Variants in NLN observed in about 807,000 individuals in gnomAD.
NLN encodes the protein neurolysin, mitochondrial.
Under a neutral mutation model 79.9 loss-of-function variants are expected in NLN, and 64 were observed. The observed-to-expected ratio is 0.80, with a 90% CI of 0.65 to 0.99. NLN has a LOEUF of 0.99. NLN is among the 50% of genes least tolerant of loss of function. The pLI is 0.00. For missense variants in NLN, 835 were observed against 858.7 expected (o/e 0.97, Z 0.34); for synonymous variants, 267 against 296.6 (o/e 0.90, Z 1.02).
chr5:65,734,779 A>G (rs1201033541), intron 1 of NLN, among the ~76,000 whole-genome samples: 2 of 152,202 alleles, frequency 1.3e-5, no homozygotes, highest in African/African-American at 4.8e-5. Context: ...GCTACAATGT[A>G]TAAGGTCCAT....
intron 1 of NLN, among the ~76,000 whole-genome samples, chr5:65,754,445 G>T (rs181135695): frequency 4.6e-5 from 7 of 152,246 alleles, no homozygotes; most frequent in African/African-American, 1.7e-4. Flanking sequence ...GTGTATGAGT[G>T]TTGAGAGGAA....
intron 12 of NLN, among the ~76,000 whole-genome samples, chr5:65,817,586 A>G (rs1004295082): frequency 6.6e-6 from 1 of 152,210 alleles, no homozygotes; most frequent in African/African-American, 2.4e-5. Flanking sequence ...TTAAGCTACT[A>G]TTATCTTCCT....
chr5:65,780,359 A>G, intron 5 of NLN, 78 bp downstream of exon 5: 1 of 592,152 alleles, frequency 1.7e-6, no homozygotes, highest in Admixed American at 3.4e-5. Context: ...TTTACTTTCC[A>G]GATACAAAAT....
intron 1 of NLN, among the ~76,000 whole-genome samples, chr5:65,744,805 G>T (rs1271207847): frequency 6.6e-6 from 1 of 152,176 alleles, no homozygotes; most frequent in Non-Finnish European, 1.5e-5. Flanking sequence ...AACCTGGGAG[G>T]TGGAGGTTAC....
At chr5:65,821,572 T>C (rs911951474) in intron 12 of NLN, among the ~76,000 whole-genome samples, 1 of 152,172 alleles carries the variant, frequency 6.6e-6, no homozygotes, top group African/African-American at 2.4e-5. Context: ...TTTAAAAAAA[T>C]GTGGTTAGTA....
intron 1 of NLN, among the ~76,000 whole-genome samples, chr5:65,758,290 G>C (rs939725898): frequency 6.6e-6 from 1 of 152,016 alleles, no homozygotes; most frequent in African/African-American, 2.4e-5. Context: ...AATTATTATA[G>C]CTCCAACACC....
intron 9 of NLN, among the ~76,000 whole-genome samples, chr5:65,807,466 A>T (rs1330867742): frequency 6.6e-6 from 1 of 150,824 alleles, no homozygotes; most frequent in Non-Finnish European, 1.5e-5. Flanking sequence ...TTTGAGACAG[A>T]GTCTCACTCT....
chr5:65,746,662 A>AATGTAAAT (rs1758986491), intron 1 of NLN, among the ~76,000 whole-genome samples: 1 of 152,186 alleles, frequency 6.6e-6, no homozygotes, highest in African/African-American at 2.4e-5. Context: ...GAGAAATGTA[A>AATGTAAAT]ATACTCCAGC....
intron 12 of NLN, among the ~76,000 whole-genome samples, chr5:65,812,826 C>G (rs1760582628): frequency 6.6e-6 from 1 of 152,194 alleles, no homozygotes; most frequent in Admixed American, 6.5e-5. Flanking sequence ...CGCCCTTTTT[C>G]TGTGGCTGGC....
At chr5:65,742,598 T>C (rs888069401) in intron 1 of NLN, among the ~76,000 whole-genome samples, 2 of 152,224 alleles carry the variant, frequency 1.3e-5, no homozygotes, top group African/African-American at 2.4e-5. Context: ...TGGTTGTTTA[T>C]AGGATGTTTA....
chr5:65,819,938 A>G (rs769630604), intron 12 of NLN, among the ~76,000 whole-genome samples: 33 of 152,160 alleles, frequency 2.2e-4, no homozygotes, highest in Non-Finnish European at 4.0e-4. Context: ...CTATTAAAAG[A>G]CCATTGCTCT....
Position 65,730,524 on chromosome 5 carries a change from C to CT in NLN, c.41+8118dup, listed in dbSNP as rs1758581619. ...GAGACAGGGAAAAATTGGACTCATC[C>CT]TTTTTTTTCTATTTTCTTCTTTTTT... On this transcript the variant is annotated intron_variant, in intron 1 of 12. Transcript: ENST00000380985. Among the ~76,000 whole-genome samples the CT allele has an allele frequency of 6.0e-5, 9 of 150,826 alleles. No individual in the cohort carries two copies. In the South Asian group the frequency reaches 1.9e-3, roughly 32 times the overall value.
chr5:65,826,380 G>A lies in NLN; in HGVS notation c.*3465G>A, dbSNP rs62367589. On this transcript the variant is annotated 3_prime_UTR_variant, in exon 13 of 13. Coordinates refer to ENST00000380985, the MANE Select transcript of NLN (RefSeq NM_020726.5). The stretch of plus-strand genomic sequence containing the variant: ...TGTTACGGCTTCAATGTAGGGGATG[G>A]GGCACAAACATTCAGTCCATAACGA... 1.3e-5 allele frequency: 2 copies of A among 152,068 alleles called. No individual in the cohort carries two copies. Among genetic ancestry groups the A allele is most frequent in the African/African-American group, 4.8e-5 (2 of 41,402 alleles). 9.4% of individuals were successfully genotyped at this position (152,068 alleles called of 1,614,324 possible).
intron 1 of NLN, among the ~76,000 whole-genome samples, chr5:65,745,546 T>G (rs1193265464): frequency 2.6e-5 from 4 of 152,220 alleles, no homozygotes; most frequent in South Asian, 2.1e-4. Flanking sequence ...ATCTTCCTCT[T>G]GGCTTATTGG....
At chr5:65,750,446 C>T (rs1039622182) in intron 1 of NLN, among the ~76,000 whole-genome samples, 5 of 152,222 alleles carry the variant, frequency 3.3e-5, no homozygotes, top group South Asian at 4.1e-4. Context: ...TGGCCTGGCA[C>T]GATGGCCCAT....
At chr5:65,747,930 G>A (rs972222865) in intron 1 of NLN, among the ~76,000 whole-genome samples, 3 of 152,208 alleles carry the variant, frequency 2.0e-5, no homozygotes, top group African/African-American at 7.2e-5. Flanking sequence ...GCCAGGCGCA[G>A]TGGCTCACAC....
chr5:65,758,793 C>T lies in NLN; in HGVS notation c.268C>T (p.Gln90Ter). 1 of 1,613,616 alleles carries T rather than the reference C, an allele frequency of 6.2e-7. No individual in the cohort carries two copies. Residue 90 changes from glutamine (Q) to a stop codon, truncating the protein, a stop_gained, in exon 2 of 13, where the codon CAG (glutamine) becomes TAG (stop). Transcript: ENST00000380985. LOFTEE classifies it high-confidence loss of function. ...GGAAGTAACTTACGAGAACTGTCTG[C>T]AGGCACTGGCAGATGTAGAAGTAAA... is the stretch of plus-strand genomic sequence containing the variant. The part of the protein sequence containing the change: ...IEEVTYENCL[Q>*]ALADVEVKYI...
At chr5:65,819,233 CA>C (rs1352358784) in intron 12 of NLN, among the ~76,000 whole-genome samples, 1 of 151,882 alleles carries the variant, frequency 6.6e-6, no homozygotes, top group African/African-American at 2.4e-5. Flanking sequence ...TGAGCTGGGG[CA>C]GTGTGAAAGG....
intron 1 of NLN, among the ~76,000 whole-genome samples, chr5:65,740,634 A>C (rs1758847290): frequency 6.6e-6 from 1 of 151,754 alleles, no homozygotes; most frequent in Admixed American, 6.6e-5. Context: ...CTGCATGTGA[A>C]TCTCCAGTTT....
Sources: gnomAD v4.1 joint callset for allele counts (sites outside exome capture counted in the v4.1 genomes callset) on GRCh38, gnomAD v4.1.1 for gene constraint, MANE v1.5 for transcripts, NCBI Gene and HGNC (gene_info 2026-07-23, HGNC 2026-07-21) for gene names.